The following LDLRAD3 variants were observed in gnomAD, a reference collection of about 807,000 sequenced individuals.
The protein encoded by LDLRAD3 is low-density lipoprotein receptor class A domain-containing protein 3.
In LDLRAD3, 20 loss-of-function variants were observed where a neutral mutation model predicts 29.4. That is an observed-to-expected ratio of 0.68 (90% CI 0.48 to 0.99). The LOEUF is 0.99. Among genes scored for constraint, LDLRAD3 ranks in the 50% least tolerant of loss-of-function variants. The probability of loss-of-function intolerance (pLI) is 0.00; values close to 1 mark genes in which losing one functional copy is unlikely to be tolerated. For missense variants in LDLRAD3, 420 were observed against 454.3 expected, an observed-to-expected ratio of 0.92 and a Z score of 0.69; for synonymous variants, 157 against 192.7, an observed-to-expected ratio of 0.81 and a Z score of 1.53.
intron 2 of LDLRAD3, among the ~76,000 whole-genome samples, chr11:36,053,337 T>C (rs1392074762): frequency 6.6e-6 from 1 of 152,110 alleles, no homozygotes; most frequent in East Asian, 1.9e-4. Context: ...CCAACTATCA[T>C]AGCATGAGAG....
intron 2 of LDLRAD3, among the ~76,000 whole-genome samples, chr11:36,069,818 C>T (rs1442504899): frequency 1.3e-5 from 2 of 152,112 alleles, no homozygotes; most frequent in Admixed American, 1.3e-4. Flanking sequence ...CAAATGTGGC[C>T]TAGGTGTCTT....
intron 4 of LDLRAD3, among the ~76,000 whole-genome samples, chr11:36,162,100 A>T (rs1353231442): frequency 1.3e-5 from 2 of 152,224 alleles, no homozygotes; most frequent in Non-Finnish European, 2.9e-5. Flanking sequence ...AAATTGGTGT[A>T]TAAGCTGTAT....
intron 1 of LDLRAD3, among the ~76,000 whole-genome samples, chr11:35,978,659 G>C (rs1364652273): frequency 6.6e-6 from 1 of 152,212 alleles, no homozygotes; most frequent in African/African-American, 2.4e-5. Context: ...CTAAGCAGGA[G>C]GCATTGCTTT....
At chr11:36,091,415 CTT>C (rs1853278143) in intron 3 of LDLRAD3, among the ~76,000 whole-genome samples, 3 of 152,116 alleles carry the variant, frequency 2.0e-5, no homozygotes, top group African/African-American at 7.2e-5. Flanking sequence ...TCGGTCTTAT[CTT>C]TTAGATGTGG....
At chr11:36,057,758 A>G (rs1430652862) in intron 2 of LDLRAD3, among the ~76,000 whole-genome samples, 1 of 152,110 alleles carries the variant, frequency 6.6e-6, no homozygotes, top group African/African-American at 2.4e-5. Flanking sequence ...TCCCTTGCTC[A>G]TTTATTTCCA....
At position 35,977,790 on chromosome 11, in the gene LDLRAD3, G is replaced by A. The variant is rs370915351; in HGVS notation, c.46+33646G>A. On this transcript the variant is annotated intron_variant, in intron 1 of 5. Coordinates refer to ENST00000315571, the MANE Select transcript of LDLRAD3 (RefSeq NM_174902.4). ...GCTTCATAGGTGGTCCTCACATGGT[G>A]GGAGGGGAAAAAGGCCCTTTCAGGC... 7.9e-5 allele frequency among the ~76,000 whole-genome samples: 12 copies of A among 152,264 alleles called. No homozygotes were observed. The East Asian group carries it at 9.7e-4, about 12-fold the overall frequency.
rs539060081 is a variant in LDLRAD3, at chr11:36,211,867, C to T, written c.455-15218C>T. On this transcript the variant is annotated intron_variant, in intron 4 of 5. Coordinates refer to ENST00000315571, the MANE Select transcript of LDLRAD3 (RefSeq NM_174902.4). ...CTGATCAAAGCATCTCCGCTCCCTG[C>T]ATCCTGCTTGAGTTAGCAGTATTCG... is the stretch of plus-strand genomic sequence containing the variant. 4.6e-5 allele frequency among the ~76,000 whole-genome samples: 7 copies of T among 152,338 alleles called. No homozygotes were observed. In the East Asian group the frequency reaches 1.3e-3, roughly 29 times the overall value.
intron 1 of LDLRAD3, among the ~76,000 whole-genome samples, chr11:35,993,663 A>G (rs74994734): frequency 1.5e-5 from 2 of 135,916 alleles, no homozygotes; most frequent in Non-Finnish European, 3.0e-5. Context: ...CAGAGATACA[A>G]AAAAAAAAAA....
chr11:36,062,007 T>C (rs1418839573), intron 2 of LDLRAD3, among the ~76,000 whole-genome samples: 1 of 151,530 alleles, frequency 6.6e-6, no homozygotes, highest in Non-Finnish European at 1.5e-5. Context: ...GTTATAGTAA[T>C]AAAAACTCTT....
At chr11:36,173,487 T>A (rs1854627841) in intron 4 of LDLRAD3, among the ~76,000 whole-genome samples, 1 of 152,014 alleles carries the variant, frequency 6.6e-6, no homozygotes, top group African/African-American at 2.4e-5. Context: ...GTTTCCAGCT[T>A]CATCCATGTC....
At chr11:35,964,048 A>G (rs1369181787) in intron 1 of LDLRAD3, among the ~76,000 whole-genome samples, 2 of 152,208 alleles carry the variant, frequency 1.3e-5, no homozygotes, top group Non-Finnish European at 2.9e-5. Context: ...ATGGAATTCC[A>G]GGATGGCGTG....
chr11:36,056,156 C>A (rs562713513), intron 2 of LDLRAD3, among the ~76,000 whole-genome samples: 33 of 151,894 alleles, frequency 2.2e-4, no homozygotes, highest in Admixed American at 1.0e-3. Flanking sequence ...CCACTACGCC[C>A]GGCTAATTTT....
intron 1 of LDLRAD3, among the ~76,000 whole-genome samples, chr11:35,985,608 G>T (rs771094910): frequency 1.3e-5 from 2 of 152,102 alleles, no homozygotes; most frequent in African/African-American, 2.4e-5. Context: ...TAATCCCTAC[G>T]TGTTGTGGGA....
chr11:36,189,910 A>G (rs1854915265), intron 4 of LDLRAD3, among the ~76,000 whole-genome samples: 2 of 152,134 alleles, frequency 1.3e-5, no homozygotes, highest in Non-Finnish European at 2.9e-5. Flanking sequence ...ACATGAACTC[A>G]TCCTTTTTTA....
At chr11:36,198,308 A>G (rs1273108863) in intron 4 of LDLRAD3, among the ~76,000 whole-genome samples, 3 of 152,126 alleles carry the variant, frequency 2.0e-5, no homozygotes, top group African/African-American at 4.8e-5. Flanking sequence ...TATCCATCCA[A>G]TCATAGCCAT....
At chr11:36,226,357 C>T (rs1855498382) in intron 4 of LDLRAD3, among the ~76,000 whole-genome samples, 1 of 152,124 alleles carries the variant, frequency 6.6e-6, no homozygotes, top group Admixed American at 6.5e-5. Flanking sequence ...CCCAAAAGCT[C>T]CATGTGAAGC....
chr11:36,098,567 GCT>G, intron 4 of LDLRAD3, 106 bp downstream of exon 4: 3 of 1,349,598 alleles, frequency 2.2e-6, no homozygotes, highest in Admixed American at 3.9e-5. Context: ...AAACACAATA[GCT>G]CTGTTAGTTT....
intron 1 of LDLRAD3, among the ~76,000 whole-genome samples, chr11:35,979,821 C>T (rs574365059): frequency 4.6e-5 from 7 of 152,320 alleles, no homozygotes; most frequent in South Asian, 2.1e-4. Flanking sequence ...GTGGCATTCT[C>T]CTGGGGAGGG....
intron 1 of LDLRAD3, among the ~76,000 whole-genome samples, chr11:35,970,405 A>G (rs1443235895): frequency 6.6e-6 from 1 of 152,224 alleles, no homozygotes; most frequent in Non-Finnish European, 1.5e-5. Context: ...GTGCAGGGCA[A>G]GGAATGCCAA....
Sources: gnomAD v4.1 joint callset for allele counts (sites outside exome capture counted in the v4.1 genomes callset) on GRCh38, gnomAD v4.1.1 for gene constraint, MANE v1.5 for transcripts, NCBI Gene and HGNC (gene_info 2026-07-23, HGNC 2026-07-21) for gene names.